NBAS: variants seen among roughly 807,000 people sequenced by gnomAD.
NBAS encodes the protein NAG/BC035112 fusion.
NBAS carries 219 observed loss-of-function variants against 302.5 expected under a neutral mutation model. The ratio of observed to expected loss-of-function variants is 0.72; its 90% CI spans 0.65 to 0.81. The LOEUF (loss-of-function observed/expected upper bound fraction) is 0.81. NBAS is among the 30% of genes least tolerant of loss of function. NBAS has a pLI of 0.00. For synonymous variants in NBAS, 1,118 were observed against 1,021.6 expected, an observed-to-expected ratio of 1.09 and a Z score of -1.80; for missense variants, 2,932 against 2,841.6, an observed-to-expected ratio of 1.03 and a Z score of -0.72.
chr2:14,783,442 G>C, the NBAS span, among the ~76,000 whole-genome samples: 2 of 148,956 alleles, frequency 1.3e-5, no homozygotes, highest in African/African-American at 4.9e-5. Context: ...TTAGCATTAG[G>C]TATATCTCCT....
chr2:15,206,284 T>G (rs1666139060), intron 48 of NBAS, among the ~76,000 whole-genome samples: 1 of 152,178 alleles, frequency 6.6e-6, no homozygotes, highest in Non-Finnish European at 1.5e-5. Flanking sequence ...TTACAAGCAG[T>G]AAGTGTCCAA....
chr2:15,038,612 C>CTCTG, the NBAS span, among the ~76,000 whole-genome samples: 316 of 152,288 alleles, frequency 2.1e-3, 1 homozygote, highest in African/African-American at 7.4e-3. Flanking sequence ...GTTTTACAAC[C>CTCTG]TCTGACCTTA....
At chr2:14,984,797 A>G in the NBAS span, among the ~76,000 whole-genome samples, 1 of 152,222 alleles carries the variant, frequency 6.6e-6, no homozygotes, top group African/African-American at 2.4e-5. Flanking sequence ...GGTCATATGC[A>G]TGAACGTAGG....
At chr2:14,876,038 G>A in the NBAS span, among the ~76,000 whole-genome samples, 1 of 152,152 alleles carries the variant, frequency 6.6e-6, no homozygotes, top group South Asian at 2.1e-4. Context: ...GGGATGTGAT[G>A]GAGACAACCA....
At chr2:15,307,077 G>A (rs562335290) in intron 40 of NBAS, among the ~76,000 whole-genome samples, 6 of 152,302 alleles carry the variant, frequency 3.9e-5, no homozygotes, top group African/African-American at 1.2e-4. Context: ...ACAGGACCCC[G>A]AAGCTATGGC....
chr2:15,219,007 GC>G lies in NBAS; in HGVS notation c.6237-40del, dbSNP rs1351009724. On this transcript the variant is annotated intron_variant, in intron 47 of 51. Coordinates refer to ENST00000281513, the MANE Select transcript of NBAS (RefSeq NM_015909.4). Reference sequence around the variant, plus strand: ...TCCAGAGGTATCTGTAAACTCCTAAGCCTTTTATTTTCCCCCTTCCGGTAAT... The same window carrying G: ...TCCAGAGGTATCTGTAAACTCCTAAGCTTTTATTTTCCCCCTTCCGGTAAT... The G allele has an allele frequency of 5.6e-6, 9 of 1,609,406 alleles. No homozygotes were observed. The African/African-American group carries it at 8.0e-5, about 14-fold the overall frequency.
chr2:15,124,961 C>G, the NBAS span, among the ~76,000 whole-genome samples: 2 of 152,304 alleles, frequency 1.3e-5, no homozygotes, highest in African/African-American at 4.8e-5. Flanking sequence ...AGCCCACACA[C>G]AGAGTCCCCA....
At chr2:15,551,641 T>C (rs754941824) in intron 5 of NBAS, 105 bp from the exon 6 acceptor site, 11 of 723,364 alleles carry the variant, frequency 1.5e-5, no homozygotes, top group Non-Finnish European at 2.1e-5. Flanking sequence ...CAATGCTCAA[T>C]CATATCTCCT....
At chr2:15,497,643 G>A (rs1267739242) in intron 11 of NBAS, among the ~76,000 whole-genome samples, 1 of 152,198 alleles carries the variant, frequency 6.6e-6, no homozygotes, top group South Asian at 2.1e-4. Flanking sequence ...TGTCAAGTAA[G>A]CAGCAGGGTA....
intron 48 of NBAS, among the ~76,000 whole-genome samples, chr2:15,218,496 C>T (rs980149893): frequency 1.3e-5 from 2 of 152,128 alleles, no homozygotes; most frequent in Non-Finnish European, 1.5e-5. Flanking sequence ...GCCATCTCGA[C>T]CACTGCAATC....
chr2:15,231,953 C>T (rs998756083), intron 47 of NBAS, among the ~76,000 whole-genome samples: 2 of 152,118 alleles, frequency 1.3e-5, no homozygotes, highest in Admixed American at 6.5e-5. Flanking sequence ...AAAATAGCAT[C>T]GGAGATACAC....
chr2:15,203,890 T>TTG (rs143962413), intron 48 of NBAS, among the ~76,000 whole-genome samples: 14,009 of 129,336 alleles, frequency 0.11, 741 homozygotes, highest in South Asian at 0.17. Flanking sequence ...GTGTGTGTGC[T>TTG]TGTGTGTGTG....
At chr2:15,145,572 C>T in the NBAS span, among the ~76,000 whole-genome samples, 2 of 152,090 alleles carry the variant, frequency 1.3e-5, no homozygotes, top group Non-Finnish European at 2.9e-5. Flanking sequence ...GTCCTAGAGG[C>T]TGCAGGAAGA....
chr2:14,790,831 G>T, the NBAS span, among the ~76,000 whole-genome samples: 1 of 151,354 alleles, frequency 6.6e-6, no homozygotes, highest in Non-Finnish European at 1.5e-5. Context: ...TTGTGTGTGT[G>T]TATGTATGTG....
intron 9 of NBAS, among the ~76,000 whole-genome samples, chr2:15,520,324 C>T (rs1000163429): frequency 1.3e-5 from 2 of 152,076 alleles, no homozygotes; most frequent in African/African-American, 4.8e-5. Context: ...ATCGCTTGAG[C>T]CCAGGAGGTA....
the NBAS span, among the ~76,000 whole-genome samples, chr2:14,879,879 G>A: frequency 6.6e-6 from 1 of 152,122 alleles, no homozygotes; most frequent in Non-Finnish European, 1.5e-5. Flanking sequence ...ATCATGCTCA[G>A]AAAAAGACCT....
intron 32 of NBAS, among the ~76,000 whole-genome samples, chr2:15,365,121 C>T (rs983494110): frequency 1.3e-5 from 2 of 152,186 alleles, no homozygotes; most frequent in African/African-American, 2.4e-5. Context: ...AGTCTAAATT[C>T]TCAGAGGGCA....
rs1330906574 is a variant in NBAS at position 15,558,566 on chromosome 2, T to G, written c.172+14A>C. On this transcript the variant is annotated intron_variant, in intron 2 of 51. Coordinates refer to ENST00000281513, the MANE Select transcript of NBAS (RefSeq NM_015909.4). ...TAACCATATCATTACTGTAGAGAAA[T>G]AAGCTATATTTACCTCGAATTGCTT... 4 of 1,608,706 alleles carry G rather than the reference T, an allele frequency of 2.5e-6. No homozygotes were observed. Among genetic ancestry groups the G allele is most frequent in the Non-Finnish European group, 3.4e-6 (4 of 1,176,304 alleles).
chr2:15,135,038 C>A, the NBAS span, among the ~76,000 whole-genome samples: 1 of 152,120 alleles, frequency 6.6e-6, no homozygotes. Context: ...AATTTCTTTC[C>A]AAGAGCCCAC....
Sources: allele counts gnomAD v4.1 joint callset (sites outside exome capture counted in the v4.1 genomes callset), GRCh38; gene constraint gnomAD v4.1.1; transcripts MANE v1.5; gene names NCBI Gene and HGNC (gene_info 2026-07-23, HGNC 2026-07-21).